COL5A1: variants seen among roughly 807,000 people sequenced by gnomAD.
COL5A1 encodes the protein collagen type V alpha 1 chain.
Under a neutral mutation model 263.7 loss-of-function variants are expected in COL5A1, and 16 were observed. The ratio of observed to expected loss-of-function variants is 0.06; its 90% CI spans 0.04 to 0.09. The LOEUF (loss-of-function observed/expected upper bound fraction) is 0.09, where lower values mean the gene tolerates loss of function less well. Among genes scored for constraint, COL5A1 ranks in the 10% least tolerant of loss-of-function variants. The pLI, the probability that COL5A1 is intolerant of heterozygous loss-of-function variation, is 1.00. For synonymous variants in COL5A1, 1,012 were observed against 1,004.5 expected (o/e 1.01, Z -0.14); for missense variants, 2,036 against 2,540.5 (o/e 0.80, Z 4.27).
intron 28 of COL5A1, 139 bp from the exon 29 acceptor site, chr9:134,782,528 C>T (rs748503729): frequency 7.3e-6 from 6 of 822,310 alleles, no homozygotes; most frequent in East Asian, 2.4e-5. Context: ...GGGCCCCAAG[C>T]CCACCCCGTC....
intron 61 of COL5A1, 26 bp downstream of exon 61, chr9:134,823,495 G>A (rs1457941583): frequency 1.5e-5 from 24 of 1,613,088 alleles, no homozygotes; most frequent in Non-Finnish European, 2.0e-5. Context: ...AGCCCAGAAA[G>A]CGGGACGGGG....
At chr9:134,792,077 C>T (rs1564461593) in intron 32 of COL5A1, among the ~76,000 whole-genome samples, 1 of 152,192 alleles carries the variant, frequency 6.6e-6, no homozygotes. Context: ...GGAAAGCAGG[C>T]AGAGCTGTGG....
chr9:134,704,520 G>C (rs1833776296), intron 4 of COL5A1, among the ~76,000 whole-genome samples: 1 of 152,186 alleles, frequency 6.6e-6, no homozygotes, highest in Admixed American at 6.5e-5. Flanking sequence ...CGCCTGGCAG[G>C]CTTCTGGTCG....
rs1838418321 is a variant in COL5A1 at position 134,809,224 on chromosome 9, C to G, written c.3408C>G (p.Leu1136=). 1.9e-6 allele frequency: 3 copies of G among 1,604,448 alleles called. No individual in the cohort carries two copies. Among genetic ancestry groups the G allele is most frequent in the African/African-American group, 1.3e-5 (1 of 74,796 alleles). Reference sequence around the variant, plus strand: ...AAGGCCCAGCTGGCCGAGACGGTCTCCAGGGGCCTGTGGGGCTCCCGGGTC... The same window carrying G: ...AAGGCCCAGCTGGCCGAGACGGTCTGCAGGGGCCTGTGGGGCTCCCGGGTC... The part of the protein sequence containing the change: ...GPQGPAGRDG[L]QGPVGLPGPA... Residue 1136 remains leucine (L), a synonymous_variant, in exon 43 of 66, where the codon CTC becomes CTG. Coordinates refer to ENST00000371817, the MANE Select transcript of COL5A1 (RefSeq NM_000093.5).
In COL5A1 at chr9:134,793,847, C is replaced by T. The variant is rs529326565; in HGVS notation, c.2701-1235C>T. On this transcript the variant is annotated intron_variant, in intron 32 of 65. Coordinates refer to ENST00000371817, the MANE Select transcript of COL5A1 (RefSeq NM_000093.5). ...ACCATAGTAATTGAAGAACTGGAAC[C>T]GGAGCGCATTGTTAAAAAGCTACAT... Among the ~76,000 whole-genome samples, 10 of 152,264 alleles carry T rather than the reference C, an allele frequency of 6.6e-5. No homozygotes were observed. In the South Asian group the frequency reaches 1.5e-3, roughly 22 times the overall value.
At chr9:134,814,247 T>G (rs1370375640) in intron 49 of COL5A1, among the ~76,000 whole-genome samples, 2 of 152,212 alleles carry the variant, frequency 1.3e-5, no homozygotes, top group Non-Finnish European at 2.9e-5. Flanking sequence ...TAGCTACCTG[T>G]GCCCAGTGGC....
intron 1 of COL5A1, among the ~76,000 whole-genome samples, chr9:134,655,367 G>T (rs1404737024): frequency 6.6e-6 from 1 of 151,940 alleles, no homozygotes; most frequent in African/African-American, 2.4e-5. Context: ...GAGGCCCCCA[G>T]CCGGGAGGGT....
At position 134,814,049 on chromosome 9, in the gene COL5A1, G is replaced by T. The variant is rs1838644999; in HGVS notation, c.3906+13G>T. On this transcript the variant is annotated intron_variant, in intron 49 of 65. Coordinates refer to ENST00000371817, the MANE Select transcript of COL5A1 (RefSeq NM_000093.5). ...AGGCGGCCCCCCGGTGAGTGAGCGG[G>T]CGCTGCGGGAGGGGTGGGATATGGC... 1 of 1,550,592 alleles carries T rather than the reference G, an allele frequency of 6.4e-7. No individual in the cohort carries two copies. The highest frequency in any genetic ancestry group is 8.7e-7 in the Non-Finnish European group (1 of 1,146,908).
chr9:134,660,630 A>G (rs530204965), intron 1 of COL5A1, among the ~76,000 whole-genome samples: 1 of 152,298 alleles, frequency 6.6e-6, no homozygotes, highest in Admixed American at 6.5e-5. Flanking sequence ...TCCCAGCTCT[A>G]CTAGACATTG....
Position 134,744,787 on chromosome 9 carries a change from A to G in COL5A1, c.1495-5755A>G, listed in dbSNP as rs529081793. On this transcript the variant is annotated intron_variant, in intron 11 of 65. Transcript: ENST00000371817. ...CATGCTCACTCATACATGCACACAC[A>G]TACACCCACACATGTACACACATTC... 1.5e-4 allele frequency among the ~76,000 whole-genome samples: 23 copies of G among 151,172 alleles called. No individual in the cohort carries two copies. The East Asian group carries it at 4.3e-3, about 28-fold the overall frequency.
At chr9:134,777,143 G>T (rs544198809) in intron 27 of COL5A1, among the ~76,000 whole-genome samples, 11 of 152,230 alleles carry the variant, frequency 7.2e-5, no homozygotes, top group African/African-American at 2.4e-4. Context: ...GTCTGAAGGG[G>T]CACCTGTTTA....
At chr9:134,784,357 G>A (rs1156377699) in intron 29 of COL5A1, among the ~76,000 whole-genome samples, 2 of 152,240 alleles carry the variant, frequency 1.3e-5, no homozygotes, top group African/African-American at 2.4e-5. Flanking sequence ...AGAGTGCCGG[G>A]AAGGGCATTT....
At chr9:134,736,057 C>T (rs565872770) in intron 9 of COL5A1, among the ~76,000 whole-genome samples, 6 of 151,294 alleles carry the variant, frequency 4.0e-5, no homozygotes, top group Middle Eastern at 3.5e-3. Flanking sequence ...TGACAGCCTC[C>T]GGTGGCCTGT....
chr9:134,720,220 C>T (rs1012612840), intron 4 of COL5A1, among the ~76,000 whole-genome samples: 7 of 152,252 alleles, frequency 4.6e-5, no homozygotes, highest in East Asian at 1.9e-4. Context: ...TTTGGCTGTG[C>T]GTGCGCGTTG....
At chr9:134,730,917 G>A (rs1183160090) in intron 7 of COL5A1, among the ~76,000 whole-genome samples, 2 of 152,130 alleles carry the variant, frequency 1.3e-5, no homozygotes, top group Non-Finnish European at 2.9e-5. Context: ...TGGCTGGGAC[G>A]GGGGCTGACT....
At chr9:134,788,181 G>A (rs1415352678) in intron 31 of COL5A1, among the ~76,000 whole-genome samples, 1 of 151,286 alleles carries the variant, frequency 6.6e-6, no homozygotes, top group Non-Finnish European at 1.5e-5. Flanking sequence ...TGAATGGAGG[G>A]GTGGGTTTAT....
rs371577076 is a variant in COL5A1, at chr9:134,800,583, A to G, written c.2953-1371A>G. Among the ~76,000 whole-genome samples, 4 of 152,136 alleles carry G rather than the reference A, an allele frequency of 2.6e-5. No homozygotes were observed. The East Asian group carries it at 5.8e-4, about 22-fold the overall frequency. ...AACATGGTGAAACCCCGTCTCTACT[A>G]AAAATACAAAAATTAGCCAGGCATG... On this transcript the variant is annotated intron_variant, in intron 37 of 65. Transcript: ENST00000371817.
intron 1 of COL5A1, among the ~76,000 whole-genome samples, chr9:134,675,736 C>T (rs1832668149): frequency 6.6e-6 from 1 of 152,016 alleles, no homozygotes; most frequent in Admixed American, 6.6e-5. Context: ...GGTGTTGATC[C>T]TGGCTGTTGG....
intron 65 of COL5A1, among the ~76,000 whole-genome samples, chr9:134,840,301 T>TGAGAAGGGCAGGGTCAGGG (rs1430107996): frequency 6.6e-6 from 1 of 152,042 alleles, no homozygotes; most frequent in Non-Finnish European, 1.5e-5. Flanking sequence ...GGCAGGGTTG[T>TGAGAAGGGCAGGGTCAGGG]GAGAAGGGCA....
Sources: gnomAD v4.1 joint callset for allele counts (sites outside exome capture counted in the v4.1 genomes callset) on GRCh38, gnomAD v4.1.1 for gene constraint, MANE v1.5 for transcripts, NCBI Gene and HGNC (gene_info 2026-07-23, HGNC 2026-07-21) for gene names.